ESRRG: variants seen among roughly 807,000 people sequenced by gnomAD.
The protein encoded by ESRRG is estrogen-related receptor gamma.
A neutral mutation model predicts 44.0 loss-of-function variants in ESRRG; 13 were observed. That is an observed-to-expected ratio of 0.30 (90% CI 0.19 to 0.47). The LOEUF is 0.47. ESRRG is among the 20% of genes least tolerant of loss of function. ESRRG has a pLI of 1.00. For synonymous variants in ESRRG, 215 were observed against 214.6 expected (o/e 1.00, Z -0.02); for missense variants, 395 against 580.6 (o/e 0.68, Z 3.29).
chr1:216,925,248 C>G (rs990828625), intron 2 of ESRRG, among the ~76,000 whole-genome samples: 1 of 151,892 alleles, frequency 6.6e-6, no homozygotes, highest in Non-Finnish European at 1.5e-5. Flanking sequence ...ACCAGCCTGG[C>G]CAACATGGTG....
chr1:216,838,573 A>C (rs1443073500), intron 2 of ESRRG, among the ~76,000 whole-genome samples: 1 of 152,138 alleles, frequency 6.6e-6, no homozygotes, highest in Non-Finnish European at 1.5e-5. Context: ...CTTTAGCCTC[A>C]ACTCACCAGG....
chr1:217,064,085 C>A (rs1199676271), intron 1 of ESRRG, among the ~76,000 whole-genome samples: 1 of 151,670 alleles, frequency 6.6e-6, no homozygotes, highest in Non-Finnish European at 1.5e-5. Flanking sequence ...GTAAAATACA[C>A]AAAGCACAAG....
intron 3 of ESRRG, among the ~76,000 whole-genome samples, chr1:216,650,682 C>T (rs11572712): frequency 6.6e-6 from 1 of 152,038 alleles, no homozygotes; most frequent in East Asian, 1.9e-4. Flanking sequence ...CTTGGTTTGT[C>T]TTCATCCTTT....
intron 1 of ESRRG, among the ~76,000 whole-genome samples, chr1:217,109,321 A>T (rs1216393233): frequency 6.6e-6 from 1 of 152,206 alleles, no homozygotes; most frequent in Non-Finnish European, 1.5e-5. Flanking sequence ...ACATTGAGCA[A>T]AAACACAAAA....
chr1:216,835,675 C>T (rs1214082450), intron 2 of ESRRG, among the ~76,000 whole-genome samples: 1 of 152,138 alleles, frequency 6.6e-6, no homozygotes, highest in Non-Finnish European at 1.5e-5. Context: ...GAGAAGATGC[C>T]TAAACCTCCA....
At chr1:216,752,863 A>G (rs1416969640) in intron 2 of ESRRG, among the ~76,000 whole-genome samples, 2 of 152,098 alleles carry the variant, frequency 1.3e-5, no homozygotes, top group Admixed American at 6.6e-5. Flanking sequence ...AATAGTAACT[A>G]CTTCATTGGA....
intron 1 of ESRRG, 39 bp from the exon 2 acceptor site, chr1:216,677,530 G>C: frequency 6.5e-7 from 1 of 1,537,104 alleles, no homozygotes. Flanking sequence ...AGAAAGAGGA[G>C]AGAGTGTCAA....
chr1:217,110,944 C>T (rs1452858314), intron 1 of ESRRG, among the ~76,000 whole-genome samples: 1 of 152,142 alleles, frequency 6.6e-6, no homozygotes, highest in Non-Finnish European at 1.5e-5. Context: ...TGAATTTTAC[C>T]TACCTCGACT....
At chr1:216,649,733 T>G (rs572568182) in intron 3 of ESRRG, among the ~76,000 whole-genome samples, 1 of 152,140 alleles carries the variant, frequency 6.6e-6, no homozygotes, top group Non-Finnish European at 1.5e-5. Context: ...TTGTTCCTAT[T>G]TGATAAGTGA....
intron 1 of ESRRG, chr1:217,000,430 G>A (rs1409391113): frequency 2.0e-5 from 3 of 152,110 alleles, no homozygotes; most frequent in African/African-American, 7.2e-5. Context: ...TTCTCCCCTT[G>A]TCCCTGTGTC....
At chr1:217,014,776 T>A (rs1348166455) in intron 1 of ESRRG, among the ~76,000 whole-genome samples, 1 of 152,192 alleles carries the variant, frequency 6.6e-6, no homozygotes, top group Non-Finnish European at 1.5e-5. Context: ...ATCTTAGACT[T>A]AAGTTGGGTT....
chr1:216,691,877 T>A (rs1027035588), intron 1 of ESRRG, among the ~76,000 whole-genome samples: 2 of 152,206 alleles, frequency 1.3e-5, no homozygotes, highest in Non-Finnish European at 2.9e-5. Context: ...AAAATTATAA[T>A]GGAGCTGAAA....
intron 1 of ESRRG, among the ~76,000 whole-genome samples, chr1:217,064,166 C>T (rs1285296441): frequency 2.0e-5 from 3 of 149,606 alleles, no homozygotes; most frequent in African/African-American, 4.9e-5. Context: ...TATATATACA[C>T]GTTGTATAGA....
At chr1:216,822,918 G>A (rs557375727) in intron 2 of ESRRG, among the ~76,000 whole-genome samples, 2 of 152,112 alleles carry the variant, frequency 1.3e-5, no homozygotes, top group Non-Finnish European at 2.9e-5. Context: ...TTTAGACAAG[G>A]TTCCAAAAAC....
Position 217,085,049 on chromosome 1 carries a change from A to G in ESRRG, c.-106+4458T>C, listed in dbSNP as rs557482479. ...GAACGGGAGATGAGATTTATCCCCA[A>G]TACAGTGCAGGGGGCAAGCTAAGGA... On this transcript the variant is annotated intron_variant, in intron 1 of 7. Transcript: ENST00000359162. Among the ~76,000 whole-genome samples, 18 of 152,250 alleles carry G rather than the reference A, an allele frequency of 1.2e-4. No individual in the cohort carries two copies. In the South Asian group the frequency reaches 2.9e-3, roughly 25 times the overall value.
chr1:216,641,198 C>G (rs2066349468), intron 3 of ESRRG, among the ~76,000 whole-genome samples: 2 of 152,136 alleles, frequency 1.3e-5, no homozygotes, highest in Admixed American at 1.3e-4. Context: ...AAGACAAATG[C>G]AGGGAGCACA....
intron 2 of ESRRG, among the ~76,000 whole-genome samples, chr1:216,738,994 G>GT (rs2090329892): frequency 6.6e-6 from 1 of 152,124 alleles, no homozygotes; most frequent in Admixed American, 6.5e-5. Context: ...GGGATTACAG[G>GT]TATGTCCCAC....
At chr1:217,027,485 T>C (rs2081394000) in intron 1 of ESRRG, among the ~76,000 whole-genome samples, 1 of 152,176 alleles carries the variant, frequency 6.6e-6, no homozygotes, top group African/African-American at 2.4e-5. Flanking sequence ...CTCTATTTCT[T>C]CATAATGTTG....
intron 2 of ESRRG, among the ~76,000 whole-genome samples, chr1:216,779,209 A>G (rs1228189886): frequency 1.6e-5 from 1 of 63,130 alleles, no homozygotes; most frequent in African/African-American, 7.0e-5. Flanking sequence ...TTATAAATAT[A>G]AATATATATT....
Sources: gnomAD v4.1 joint callset for allele counts (sites outside exome capture counted in the v4.1 genomes callset) on GRCh38, gnomAD v4.1.1 for gene constraint, MANE v1.5 for transcripts, NCBI Gene and HGNC (gene_info 2026-07-23, HGNC 2026-07-21) for gene names.